Variants in TRAF3 observed in about 807,000 individuals in gnomAD.
TRAF3 encodes the protein TNF receptor associated factor 3.
In TRAF3, 13 loss-of-function variants were observed where a neutral mutation model predicts 62.3. The ratio of observed to expected loss-of-function variants is 0.21; its 90% CI spans 0.14 to 0.33. The LOEUF is 0.33. Ranked by LOEUF, TRAF3 falls within the 10% of genes least tolerant of loss-of-function variation. TRAF3 has a pLI of 1.00. For missense variants in TRAF3, 440 were observed against 741.8 expected (o/e 0.59, Z 4.73); for synonymous variants, 269 against 283.4 (o/e 0.95, Z 0.51).
rs1182865139 is a variant in TRAF3 at position 102,911,149 on chromosome 14, T to C, written c.*5365T>C. ...TAAAAGTTGCGTCTGTAGTAGCCGC[T>C]TGCTGTGAAGACACATCTTGACAGT... On this transcript the variant is annotated 3_prime_UTR_variant, in exon 12 of 12. Coordinates refer to ENST00000392745, the MANE Select transcript of TRAF3 (RefSeq NM_145725.3). 2 of 152,240 alleles carry C rather than the reference T, an allele frequency of 1.3e-5. No individual in the cohort carries two copies. The highest frequency in any genetic ancestry group is 2.9e-5 in the Non-Finnish European group (2 of 68,038). The allele number at this position is 152,240 out of a possible 1,614,324, so 9.4% of individuals were successfully genotyped here.
chr14:102,807,223 C>T (rs1226470999), intron 1 of TRAF3, among the ~76,000 whole-genome samples: 2 of 152,210 alleles, frequency 1.3e-5, no homozygotes, highest in East Asian at 1.9e-4. Context: ...CCCTGCATTC[C>T]TCCTGATAAG....
chr14:102,878,598 A>T (rs921261288), intron 6 of TRAF3, among the ~76,000 whole-genome samples: 3 of 152,162 alleles, frequency 2.0e-5, no homozygotes, highest in African/African-American at 7.2e-5. Context: ...GTGGGAAAAA[A>T]TACTAACAAA....
chr14:102,798,067 G>A (rs1425217860), intron 1 of TRAF3, among the ~76,000 whole-genome samples: 2 of 152,130 alleles, frequency 1.3e-5, no homozygotes, highest in African/African-American at 4.8e-5. Flanking sequence ...TCGGGAAAGA[G>A]AGGACAGGAT....
At chr14:102,778,072 A>G (rs1354235654) in intron 1 of TRAF3, among the ~76,000 whole-genome samples, 2 of 149,758 alleles carry the variant, frequency 1.3e-5, no homozygotes, top group Non-Finnish European at 3.0e-5. Flanking sequence ...CGGGCGGCTC[A>G]GGGGCTGCGT....
At chr14:102,801,919 G>C (rs1898447978) in intron 1 of TRAF3, among the ~76,000 whole-genome samples, 1 of 150,774 alleles carries the variant, frequency 6.6e-6, no homozygotes, top group Admixed American at 6.6e-5. Context: ...AGGAGGCTGA[G>C]GCAGGAGAAT....
At chr14:102,832,448 TG>T (rs1900754597) in intron 2 of TRAF3, among the ~76,000 whole-genome samples, 1 of 151,632 alleles carries the variant, frequency 6.6e-6, no homozygotes, top group African/African-American at 2.4e-5. Context: ...CCGAGGCAGG[TG>T]GATCACCTGA....
chr14:102,794,805 T>C (rs541884537), intron 1 of TRAF3, among the ~76,000 whole-genome samples: 2 of 152,342 alleles, frequency 1.3e-5, no homozygotes, highest in South Asian at 4.1e-4. Flanking sequence ...TAAAAAACTT[T>C]TGGAGTATAC....
chr14:102,876,254 T>C (rs546225691), intron 5 of TRAF3, 104 bp from the exon 6 acceptor site: 11 of 1,292,426 alleles, frequency 8.5e-6, no homozygotes, highest in Non-Finnish European at 1.2e-5. Flanking sequence ...TAACAGCAGA[T>C]GAGAAACATT....
At chr14:102,844,090 A>G (rs1886549272) in intron 2 of TRAF3, among the ~76,000 whole-genome samples, 1 of 152,260 alleles carries the variant, frequency 6.6e-6, no homozygotes, top group East Asian at 1.9e-4. Context: ...AAATGTTTAG[A>G]TTTAAACAAA....
chr14:102,886,584 C>T (rs1889403243), intron 7 of TRAF3, among the ~76,000 whole-genome samples: 1 of 152,002 alleles, frequency 6.6e-6, no homozygotes, highest in African/African-American at 2.4e-5. Flanking sequence ...GCTGAAACCC[C>T]GTCTCTACTA....
chr14:102,900,127 C>T (rs1390101883), intron 10 of TRAF3, among the ~76,000 whole-genome samples: 2 of 122,670 alleles, frequency 1.6e-5, no homozygotes, highest in African/African-American at 6.8e-5. Flanking sequence ...TGCAGTGAGC[C>T]GAGATAGCGC....
At chr14:102,873,572 T>C (rs1888467548) in intron 4 of TRAF3, among the ~76,000 whole-genome samples, 1 of 152,158 alleles carries the variant, frequency 6.6e-6, no homozygotes, top group Non-Finnish European at 1.5e-5. Context: ...TGCACTCAAG[T>C]TGTGGACCCT....
intron 1 of TRAF3, among the ~76,000 whole-genome samples, chr14:102,811,550 GTTTTTTTT>G (rs35064640): frequency 3.4e-4 from 27 of 79,512 alleles, no homozygotes; most frequent in African/African-American, 1.2e-3. Flanking sequence ...GCTGTAGGCG[GTTTTTTTT>G]TTTTTTTTTT....
intron 1 of TRAF3, among the ~76,000 whole-genome samples, chr14:102,815,860 C>A (rs566506613): frequency 5.1e-4 from 78 of 152,104 alleles, no homozygotes; most frequent in Non-Finnish European, 1.0e-3. Context: ...ACCATCAGAT[C>A]TGGTGATAAT....
intron 1 of TRAF3, among the ~76,000 whole-genome samples, chr14:102,784,480 C>T (rs1288202988): frequency 6.6e-6 from 1 of 152,112 alleles, no homozygotes; most frequent in African/African-American, 2.4e-5. Flanking sequence ...GCCTCGGCCT[C>T]CCAAAGTGCT....
intron 4 of TRAF3, among the ~76,000 whole-genome samples, chr14:102,873,111 G>A (rs1326056360): frequency 2.0e-5 from 3 of 152,148 alleles, no homozygotes; most frequent in South Asian, 2.1e-4. Context: ...CTTACTCTGG[G>A]GTTTTCCTGT....
At chr14:102,779,265 C>A (rs1034976018) in intron 1 of TRAF3, among the ~76,000 whole-genome samples, 2 of 124,868 alleles carry the variant, frequency 1.6e-5, no homozygotes, top group African/African-American at 6.0e-5. Flanking sequence ...AGGGAGAATT[C>A]CAGCTTTTTT....
chr14:102,839,640 G>C (rs780586797), intron 2 of TRAF3, among the ~76,000 whole-genome samples: 4 of 152,232 alleles, frequency 2.6e-5, no homozygotes, highest in Non-Finnish European at 4.4e-5. Flanking sequence ...CATACTGTCA[G>C]TGTGTCGCCC....
chr14:102,845,313 C>G (rs1053222069), intron 2 of TRAF3, among the ~76,000 whole-genome samples: 2 of 151,766 alleles, frequency 1.3e-5, no homozygotes, highest in Non-Finnish European at 2.9e-5. Flanking sequence ...AGTGGTTCTC[C>G]TGCCTCAGCC....
Sources: gnomAD v4.1 joint callset for allele counts (sites outside exome capture counted in the v4.1 genomes callset) on GRCh38, gnomAD v4.1.1 for gene constraint, MANE v1.5 for transcripts, NCBI Gene and HGNC (gene_info 2026-07-23, HGNC 2026-07-21) for gene names.